Variants in CSMD2 observed in about 807,000 individuals in gnomAD.
The protein encoded by CSMD2 is CUB and Sushi multiple domains 2.
Under a neutral mutation model 398.5 loss-of-function variants are expected in CSMD2, and 130 were observed. The observed-to-expected ratio is 0.33, with a 90% CI of 0.28 to 0.38. CSMD2 has a LOEUF of 0.38. CSMD2 is among the 10% of genes least tolerant of loss of function. The pLI is 1.00. For missense variants in CSMD2, 3,829 were observed against 4,764.9 expected (o/e 0.80, Z 5.78); for synonymous variants, 1,828 against 1,908.5 (o/e 0.96, Z 1.10).
At chr1:34,143,700 G>A (rs1639511913) in intron 1 of CSMD2, among the ~76,000 whole-genome samples, 1 of 152,046 alleles carries the variant, frequency 6.6e-6, no homozygotes, top group Non-Finnish European at 1.5e-5. Flanking sequence ...GAGAAAAAAA[G>A]AAGGAAGGAA....
chr1:33,831,161 C>T (rs886936596), intron 6 of CSMD2, among the ~76,000 whole-genome samples: 23 of 151,958 alleles, frequency 1.5e-4, no homozygotes, highest in Admixed American at 4.6e-4. Context: ...ATACAGAGAA[C>T]GCCACAAAGA....
intron 22 of CSMD2, among the ~76,000 whole-genome samples, chr1:33,704,929 A>ATT (rs61275822): frequency 6.4e-5 from 9 of 140,520 alleles, no homozygotes; most frequent in African/African-American, 2.1e-4. Context: ...CGTCCCGCTA[A>ATT]TTTTTTTTTT....
intron 6 of CSMD2, among the ~76,000 whole-genome samples, chr1:33,838,069 C>T (rs1030990113): frequency 2.2e-4 from 33 of 152,206 alleles, no homozygotes; most frequent in African/African-American, 7.7e-4. Context: ...CTCCAAGGCT[C>T]TGGGAGTCAA....
rs538958193 is a variant in CSMD2 at position 33,730,025 on chromosome 1, T to C, written c.2369-3340A>G. ...ACAAGGTTATGCAAGGTAGCACTAT[T>C]TGTGATAGCAAATGTATGGAAACAG... On this transcript the variant is annotated intron_variant, in intron 15 of 70. Coordinates refer to ENST00000373381, the MANE Select transcript of CSMD2 (RefSeq NM_001281956.2). Among the ~76,000 whole-genome samples the C allele has an allele frequency of 4.6e-5, 7 of 152,340 alleles. No homozygotes were observed. In the East Asian group the frequency reaches 1.3e-3, roughly 29 times the overall value.
chr1:33,758,108 T>A (rs1261313436), intron 13 of CSMD2, among the ~76,000 whole-genome samples: 3 of 152,224 alleles, frequency 2.0e-5, no homozygotes, highest in Non-Finnish European at 4.4e-5. Flanking sequence ...CCCTTGCCAA[T>A]CTTTTTTATT....
intron 17 of CSMD2, 143 bp from the exon 18 acceptor site, chr1:33,724,847 G>T: frequency 5.3e-6 from 4 of 756,656 alleles, no homozygotes; most frequent in Non-Finnish European, 8.4e-6. Context: ...GTGGCCGTCA[G>T]AATTTGCTGA....
chr1:33,653,285 C>T (rs993546329), intron 27 of CSMD2, among the ~76,000 whole-genome samples: 3 of 152,168 alleles, frequency 2.0e-5, no homozygotes, highest in Non-Finnish European at 4.4e-5. Context: ...CTATGAAGTA[C>T]ATGGCCTTCC....
chr1:33,932,505 G>T (rs1430960430), intron 4 of CSMD2, among the ~76,000 whole-genome samples: 1 of 152,080 alleles, frequency 6.6e-6, no homozygotes, highest in Non-Finnish European at 1.5e-5. Context: ...TGCCACCCCC[G>T]CCCAGGCCCA....
intron 1 of CSMD2, among the ~76,000 whole-genome samples, chr1:34,089,443 G>A (rs986642889): frequency 6.6e-6 from 1 of 152,150 alleles, no homozygotes; most frequent in African/African-American, 2.4e-5. Context: ...ACTCTATGCA[G>A]TAGAAAATTA....
chr1:33,553,685 T>G, intron 55 of CSMD2, among the ~76,000 whole-genome samples: 1 of 152,130 alleles, frequency 6.6e-6, no homozygotes, highest in East Asian at 1.9e-4. Flanking sequence ...TTAGTGAAAT[T>G]GTGAATGCAA....
At chr1:34,101,164 T>C (rs148643887) in intron 1 of CSMD2, among the ~76,000 whole-genome samples, 47 of 152,230 alleles carry the variant, frequency 3.1e-4, no homozygotes, top group African/African-American at 9.9e-4. Context: ...TTCTAGTGAC[T>C]GATGTTCTGC....
chr1:33,648,757 A>C (rs1643597921), intron 28 of CSMD2, among the ~76,000 whole-genome samples: 1 of 152,190 alleles, frequency 6.6e-6, no homozygotes, highest in African/African-American at 2.4e-5. Flanking sequence ...TCTCTCATCC[A>C]ACAAGGGTAA....
At chr1:33,986,034 A>G (rs1282382872) in intron 3 of CSMD2, among the ~76,000 whole-genome samples, 3 of 152,132 alleles carry the variant, frequency 2.0e-5, no homozygotes, top group Non-Finnish European at 4.4e-5. Context: ...CAACCCAGGG[A>G]GCTCCTTGAG....
intron 1 of CSMD2, among the ~76,000 whole-genome samples, chr1:34,146,981 G>A (rs114489482): frequency 0.022 from 3,385 of 152,308 alleles, 111 homozygotes; most frequent in African/African-American, 0.077. Flanking sequence ...GATAAGGCCT[G>A]GCGCGGTGGC....
intron 62 of CSMD2, among the ~76,000 whole-genome samples, chr1:33,536,746 C>T (rs1655829886): frequency 6.6e-6 from 1 of 152,198 alleles, no homozygotes; most frequent in South Asian, 2.1e-4. Context: ...CGTATTTCCA[C>T]AACCACCCTG....
At chr1:33,922,372 G>A (rs931198110) in intron 4 of CSMD2, among the ~76,000 whole-genome samples, 1 of 151,988 alleles carries the variant, frequency 6.6e-6, no homozygotes, top group African/African-American at 2.4e-5. Flanking sequence ...AGAGGGGGAG[G>A]GAGTGGCTCA....
intron 11 of CSMD2, among the ~76,000 whole-genome samples, chr1:33,790,076 A>G (rs2124857112): frequency 6.6e-6 from 1 of 152,262 alleles, no homozygotes; most frequent in African/African-American, 2.4e-5. Context: ...GGATTGTGGG[A>G]GGAAAGAGAG....
intron 53 of CSMD2, among the ~76,000 whole-genome samples, chr1:33,567,116 C>A (rs953445888): frequency 1.3e-5 from 2 of 151,430 alleles, no homozygotes; most frequent in South Asian, 4.2e-4. Context: ...AAAGGGCCTT[C>A]CACCTAGAAA....
intron 26 of CSMD2, among the ~76,000 whole-genome samples, chr1:33,661,025 C>T (rs1366241777): frequency 6.6e-6 from 1 of 152,110 alleles, no homozygotes; most frequent in Non-Finnish European, 1.5e-5. Context: ...CTGAGATGAA[C>T]CTTGAAGGAT....
Sources: allele counts gnomAD v4.1 joint callset (sites outside exome capture counted in the v4.1 genomes callset), GRCh38; gene constraint gnomAD v4.1.1; transcripts MANE v1.5; gene names NCBI Gene and HGNC (gene_info 2026-07-23, HGNC 2026-07-21).